Variants in PTPRO observed in about 807,000 individuals in gnomAD.
PTPRO encodes receptor-type tyrosine-protein phosphatase O.
PTPRO carries 62 observed loss-of-function variants against 145.2 expected under a neutral mutation model. That is an observed-to-expected ratio of 0.43 (90% CI 0.35 to 0.53). The LOEUF (loss-of-function observed/expected upper bound fraction) is 0.53, where lower values mean the gene tolerates loss of function less well. PTPRO is among the 20% of genes least tolerant of loss of function. The pLI is 0.01. For missense variants in PTPRO, 1,345 were observed against 1,482.7 expected (o/e 0.91, Z 1.53); for synonymous variants, 565 against 514.7 (o/e 1.10, Z -1.32).
chr12:15,588,503 C>T (rs966944749), intron 24 of PTPRO, among the ~76,000 whole-genome samples: 4 of 152,106 alleles, frequency 2.6e-5, no homozygotes, highest in Non-Finnish European at 4.4e-5. Context: ...ATCTGTGCCC[C>T]GAGCATTGGG....
At chr12:15,496,134 CTTTTTTTGTTTTTTTT>C (rs1160123936) in intron 2 of PTPRO, among the ~76,000 whole-genome samples, 1 of 93,136 alleles carries the variant, frequency 1.1e-5, no homozygotes, top group Non-Finnish European at 2.2e-5. Flanking sequence ...TTTTTCTTTT[CTTTTTTTGTTTTTTTT>C]TTTTTTTTTT....
chr12:15,405,796 G>A (rs1021033001), intron 1 of PTPRO, among the ~76,000 whole-genome samples: 5 of 152,098 alleles, frequency 3.3e-5, no homozygotes, highest in Non-Finnish European at 5.9e-5. Context: ...ACTAGAAGAT[G>A]AGTTAATAAT....
intron 12 of PTPRO, among the ~76,000 whole-genome samples, chr12:15,540,402 T>C (rs1943157760): frequency 1.3e-5 from 2 of 152,244 alleles, no homozygotes; most frequent in South Asian, 4.1e-4. Context: ...TGAAAATAAA[T>C]GTTGTTATGT....
At chr12:15,522,761 T>G (rs933029899) in intron 10 of PTPRO, among the ~76,000 whole-genome samples, 7 of 152,182 alleles carry the variant, frequency 4.6e-5, no homozygotes, top group Admixed American at 6.5e-5. Context: ...AAAGTATTAA[T>G]AAACAAATAG....
rs780502857 is a variant in PTPRO, at chr12:15,520,257, G to A, written c.1836G>A (p.Thr612=). 4.2e-5 allele frequency: 68 copies of A among 1,613,794 alleles called. No homozygotes were observed. In the East Asian group the frequency reaches 5.6e-4, roughly 13 times the overall value. The change falls in exon 10 of 27, where the codon ACG becomes ACA. Residue 612 remains threonine (T), a synonymous_variant. Coordinates refer to ENST00000281171, the MANE Select transcript of PTPRO (RefSeq NM_030667.3). The stretch of plus-strand genomic sequence containing the variant: ...ACAACTTCCGGGTTACCATGGTGAC[G>A]TGGGGAGATCCAGAATTGAGCTGCT... The part of the protein sequence containing the change: ...WYYNFRVTMV[T]WGDPELSCCD...
intron 13 of PTPRO, among the ~76,000 whole-genome samples, chr12:15,547,654 A>C (rs563113733): frequency 3.9e-5 from 6 of 152,306 alleles, no homozygotes; most frequent in Admixed American, 3.3e-4. Context: ...CTCTATTCTA[A>C]GAATCCTTTT....
chr12:15,517,665 C>T (rs1038217676), intron 9 of PTPRO, among the ~76,000 whole-genome samples: 7 of 152,158 alleles, frequency 4.6e-5, no homozygotes, highest in African/African-American at 1.7e-4. Context: ...GAAACATTGA[C>T]CAAAACAAAG....
intron 1 of PTPRO, among the ~76,000 whole-genome samples, chr12:15,408,664 G>C (rs775813093): frequency 4.6e-5 from 7 of 152,174 alleles, no homozygotes; most frequent in Non-Finnish European, 7.3e-5. Context: ...CTGACCTCAA[G>C]TGATCTGCCC....
chr12:15,335,829 G>C (rs1445547006), intron 1 of PTPRO, among the ~76,000 whole-genome samples: 1 of 151,906 alleles, frequency 6.6e-6, no homozygotes, highest in Admixed American at 6.6e-5. Flanking sequence ...CCATCTCTAT[G>C]CTATTACCTT....
intron 1 of PTPRO, among the ~76,000 whole-genome samples, chr12:15,377,770 A>C (rs978464943): frequency 1.1e-4 from 16 of 152,252 alleles, no homozygotes; most frequent in African/African-American, 3.8e-4. Context: ...GTAAACTTAA[A>C]AGAATTTAAA....
chr12:15,511,222 G>C (rs1942433999), intron 7 of PTPRO, among the ~76,000 whole-genome samples: 1 of 152,172 alleles, frequency 6.6e-6, no homozygotes, highest in Non-Finnish European at 1.5e-5. Context: ...GCAGAGTGTG[G>C]AAGTATTTTG....
At chr12:15,406,874 G>A (rs1939661997) in intron 1 of PTPRO, among the ~76,000 whole-genome samples, 1 of 152,152 alleles carries the variant, frequency 6.6e-6, no homozygotes, top group Non-Finnish European at 1.5e-5. Context: ...GGGTCAATAC[G>A]AAGTGAAACA....
Position 15,424,614 on chromosome 12 carries a change from CA to C in PTPRO, c.76-59357del, listed in dbSNP as rs751222246. On this transcript the variant is annotated intron_variant, in intron 1 of 26. Transcript: ENST00000281171. Reference sequence around the variant, plus strand: ...GTGAGTTCCACAGCTGATGTATACACAAACAAATAATGGGTGCATGAAAGAG... The same window carrying C: ...GTGAGTTCCACAGCTGATGTATACACAACAAATAATGGGTGCATGAAAGAG... 3.3e-5 allele frequency among the ~76,000 whole-genome samples: 5 copies of C among 151,856 alleles called. No homozygotes were observed. The East Asian group carries it at 7.7e-4, about 23-fold the overall frequency.
At chr12:15,366,772 G>A (rs1195497320) in intron 1 of PTPRO, among the ~76,000 whole-genome samples, 1 of 152,092 alleles carries the variant, frequency 6.6e-6, no homozygotes, top group Non-Finnish European at 1.5e-5. Context: ...ACTATGCAGT[G>A]ACCAATAAAC....
At chr12:15,456,176 T>A (rs1329314611) in intron 1 of PTPRO, among the ~76,000 whole-genome samples, 1 of 152,232 alleles carries the variant, frequency 6.6e-6, no homozygotes, top group Non-Finnish European at 1.5e-5. Context: ...ATTTTTATCA[T>A]AAAAGGGTAT....
At chr12:15,557,377 A>T in intron 15 of PTPRO, 78 bp from the exon 16 acceptor site, 1 of 1,276,302 alleles carries the variant, frequency 7.8e-7, no homozygotes, top group South Asian at 1.2e-5. Flanking sequence ...AAGCTGGTAA[A>T]GACTCTCTTT....
intron 1 of PTPRO, among the ~76,000 whole-genome samples, chr12:15,423,086 T>C (rs1266696069): frequency 1.3e-5 from 2 of 152,190 alleles, no homozygotes; most frequent in East Asian, 3.9e-4. Flanking sequence ...AGAAGCACTT[T>C]AGAGAAATTG....
rs150524640 is a variant in PTPRO at position 15,557,980 on chromosome 12, C to T, written c.2627+457C>T. On this transcript the variant is annotated intron_variant, in intron 16 of 26. Transcript: ENST00000281171. ...GACAGAATCTCCCTCTTTCGTCACC[C>T]GGGCTGGAGTGCAGGATGATCTCAA... Among the ~76,000 whole-genome samples, 951 of 151,918 alleles carry T rather than the reference C, an allele frequency of 6.3e-3. 5 individuals carry two copies. The highest frequency in any genetic ancestry group is 9.2e-3 in the Non-Finnish European group (628 of 67,968).
At chr12:15,379,334 C>G (rs935743038) in intron 1 of PTPRO, among the ~76,000 whole-genome samples, 6 of 146,524 alleles carry the variant, frequency 4.1e-5, no homozygotes, top group Non-Finnish European at 7.5e-5. Flanking sequence ...GCCTTGCCAA[C>G]ATGGTGAAAC....
Sources: gnomAD v4.1 joint callset for allele counts (sites outside exome capture counted in the v4.1 genomes callset) on GRCh38, gnomAD v4.1.1 for gene constraint, MANE v1.5 for transcripts, NCBI Gene and HGNC (gene_info 2026-07-23, HGNC 2026-07-21) for gene names.